ATF7IP: variants seen among roughly 807,000 people sequenced by gnomAD.
ATF7IP encodes the protein activating transcription factor 7 interacting protein, also known as activating transcription factor 7-interacting protein 1.
ATF7IP carries 23 observed loss-of-function variants against 106.4 expected under a neutral mutation model. The ratio of observed to expected loss-of-function variants is 0.22; its 90% CI spans 0.16 to 0.31. The LOEUF is 0.31. ATF7IP is among the 10% of genes least tolerant of loss of function. The pLI is 1.00. For synonymous variants in ATF7IP, 542 were observed against 539.0 expected (o/e 1.01, Z -0.08); for missense variants, 1,334 against 1,524.3 (o/e 0.88, Z 2.08).
At chr12:14,478,190 A>C (rs1944317849) in intron 11 of ATF7IP, 127 bp from the exon 12 acceptor site, 1 of 836,556 alleles carries the variant, frequency 1.2e-6, no homozygotes, top group Admixed American at 2.5e-5. Context: ...AATGGAAATA[A>C]ATTATTCTCT....
intron 1 of ATF7IP, among the ~76,000 whole-genome samples, chr12:14,401,888 A>T (rs1364808682): frequency 2.7e-5 from 4 of 149,038 alleles, no homozygotes. Context: ...TAATTTTTGT[A>T]TTTTTAGTAG....
chr12:14,424,557 G>A lies in ATF7IP; in HGVS notation c.642G>A (p.Pro214=), dbSNP rs373638599. 5 of 1,613,992 alleles carry A rather than the reference G, an allele frequency of 3.1e-6. No homozygotes were observed. Among genetic ancestry groups the A allele is most frequent in the African/African-American group, 2.7e-5 (2 of 74,896 alleles). The part of the protein sequence containing the change: ...PTSSDPIPGE[P]VPVEPISGDC... Reference sequence around the variant, plus strand: ...CTAGTGATCCCATCCCAGGTGAACCGGTCCCTGTTGAACCCATTTCTGGTG... The same window carrying A: ...CTAGTGATCCCATCCCAGGTGAACCAGTCCCTGTTGAACCCATTTCTGGTG... The change falls in exon 2 of 15, where the codon CCG becomes CCA. Residue 214 remains proline, a synonymous_variant. Coordinates refer to ENST00000261168, the MANE Select transcript of ATF7IP (RefSeq NM_018179.5).
Position 14,498,245 on chromosome 12 carries a change from G to A in ATF7IP, c.*172G>A, listed in dbSNP as rs1945070284. 1.6e-6 allele frequency: 1 copy of A among 627,014 alleles called. No individual in the cohort carries two copies. Among genetic ancestry groups the A allele is most frequent in the African/African-American group, 1.8e-5 (1 of 54,652 alleles). The allele number at this position is 627,014 out of a possible 1,614,324, so 38.8% of individuals were successfully genotyped here. ...AAGCAAAATAAACTCAGCCCACAAA[G>A]CTAGAATCTTTTCCTGGACAGTTTA... is the stretch of plus-strand genomic sequence containing the variant. On this transcript the variant is annotated 3_prime_UTR_variant, in exon 15 of 15. Coordinates refer to ENST00000261168, the MANE Select transcript of ATF7IP (RefSeq NM_018179.5).
intron 10 of ATF7IP, 142 bp downstream of exon 10, chr12:14,466,732 T>A (rs780748674): frequency 1.2e-5 from 8 of 691,120 alleles, no homozygotes; most frequent in Non-Finnish European, 1.9e-5. Flanking sequence ...AGCTTCTCTG[T>A]AATGTTTGAC....
chr12:14,407,840 T>A (rs921122489), intron 1 of ATF7IP, among the ~76,000 whole-genome samples: 1 of 152,076 alleles, frequency 6.6e-6, no homozygotes, highest in African/African-American at 2.4e-5. Context: ...TGGAAAGAAG[T>A]TTGTGTTAAA....
intron 5 of ATF7IP, among the ~76,000 whole-genome samples, chr12:14,441,492 T>TTC (rs1942696525): frequency 6.8e-6 from 1 of 146,746 alleles, no homozygotes; most frequent in East Asian, 2.2e-4. Flanking sequence ...AAAGTCTTTT[T>TTC]TTTTTTTTTT....
At chr12:14,476,056 T>G (rs1439551480) in intron 11 of ATF7IP, 88 bp downstream of exon 11, 1 of 918,490 alleles carries the variant, frequency 1.1e-6, no homozygotes, top group Non-Finnish European at 1.7e-6. Context: ...GACAGATGTT[T>G]ATGGCATTAT....
In ATF7IP at chr12:14,481,203, T is replaced by C. The variant is rs1282968359; in HGVS notation, c.3280+18T>C. On this transcript the variant is annotated intron_variant, in intron 13 of 14. Coordinates refer to ENST00000261168, the MANE Select transcript of ATF7IP (RefSeq NM_018179.5). The stretch of plus-strand genomic sequence containing the variant: ...CCAAAATAGTAAGAGATTTTTCTTG[T>C]ATATGGCCCCAAGATACATGTAGTT... 1.9e-6 allele frequency: 3 copies of C among 1,612,382 alleles called. No individual in the cohort carries two copies. Among genetic ancestry groups the C allele is most frequent in the Admixed American group, 3.3e-5 (2 of 60,004 alleles).
chr12:14,496,331 A>C lies in ATF7IP; in HGVS notation c.3381A>C (p.Pro1127=). ...AGCTCACAGTGCATCACCGACCACC[A>C]CAAGTGCATACTGTAAGTGTTGATG... is the stretch of plus-strand genomic sequence containing the variant. ...GPQLTVHHRP[P]QVHTEPPRPV... Residue 1127 remains proline (P), a synonymous_variant, in exon 14 of 15, where the codon CCA becomes CCC. Transcript: ENST00000261168. 6.2e-7 allele frequency: 1 copy of C among 1,612,044 alleles called. No individual in the cohort carries two copies. The highest frequency in any genetic ancestry group is 1.1e-5 in the South Asian group (1 of 91,016).
chr12:14,384,520 G>C (rs1029615857), intron 1 of ATF7IP, among the ~76,000 whole-genome samples: 1 of 152,042 alleles, frequency 6.6e-6, no homozygotes, highest in African/African-American at 2.4e-5. Flanking sequence ...GGAGGTCTTT[G>C]TCAGGGCATG....
intron 6 of ATF7IP, among the ~76,000 whole-genome samples, chr12:14,451,203 T>C (rs1254205099): frequency 2.0e-5 from 3 of 152,182 alleles, no homozygotes; most frequent in Admixed American, 6.5e-5. Context: ...TTGTAGTCTC[T>C]TGTAATCCTT....
intron 10 of ATF7IP, among the ~76,000 whole-genome samples, chr12:14,475,301 T>TTA (rs1473973321): frequency 2.0e-5 from 3 of 152,234 alleles, no homozygotes; most frequent in African/African-American, 7.2e-5. Context: ...TCCTGGCTCT[T>TTA]TAGGTTTATG....
At chr12:14,487,858 A>G (rs1184498660) in intron 13 of ATF7IP, among the ~76,000 whole-genome samples, 2 of 152,196 alleles carry the variant, frequency 1.3e-5, no homozygotes, top group Non-Finnish European at 2.9e-5. Context: ...GACCAGTTTC[A>G]TTATGTTCCT....
chr12:14,470,394 A>G (rs1943994466), intron 10 of ATF7IP, among the ~76,000 whole-genome samples: 1 of 152,184 alleles, frequency 6.6e-6, no homozygotes, highest in Non-Finnish European at 1.5e-5. Context: ...TAATTTTTTA[A>G]TGATTTCAAA....
In ATF7IP at chr12:14,423,954, G is replaced by A; in HGVS notation, c.39G>A (p.Lys13=). The A allele has an allele frequency of 6.2e-7, 1 of 1,611,256 alleles. No homozygotes were observed. The highest frequency in any genetic ancestry group is 8.5e-7 in the Non-Finnish European group (1 of 1,179,102). ...AAGAACCTCAGAAAAAAGTCTTTAA[G>A]GCTCGAAAAACGATGAGAGTGAGTG... ...SLEEPQKKVF[K]ARKTMRVSDR... is the part of the protein sequence containing the mutation. Residue 13 remains lysine (K), a synonymous_variant, in exon 2 of 15, where the codon AAG becomes AAA. Coordinates refer to ENST00000261168, the MANE Select transcript of ATF7IP (RefSeq NM_018179.5).
chr12:14,443,603 A>G (rs1169380663), intron 5 of ATF7IP, among the ~76,000 whole-genome samples: 1 of 152,206 alleles, frequency 6.6e-6, no homozygotes, highest in Non-Finnish European at 1.5e-5. Context: ...GTTTTCAGAA[A>G]CCTGTTGTAA....
intron 1 of ATF7IP, among the ~76,000 whole-genome samples, chr12:14,397,669 T>C (rs761067735): frequency 3.3e-5 from 5 of 152,200 alleles, no homozygotes; most frequent in Admixed American, 6.5e-5. Flanking sequence ...ATGACAAATA[T>C]GTACTATTTA....
At chr12:14,417,405 A>G (rs1941261543) in intron 1 of ATF7IP, among the ~76,000 whole-genome samples, 1 of 152,130 alleles carries the variant, frequency 6.6e-6, no homozygotes, top group East Asian at 1.9e-4. Flanking sequence ...TGGGTCCAGA[A>G]TACTATTAAT....
At chr12:14,441,006 A>C (rs1942668313) in intron 5 of ATF7IP, among the ~76,000 whole-genome samples, 1 of 152,164 alleles carries the variant, frequency 6.6e-6, no homozygotes, top group South Asian at 2.1e-4. Flanking sequence ...GGTTGTTCCT[A>C]CTTTCAGCTA....
Sources: gnomAD v4.1 joint callset for allele counts (sites outside exome capture counted in the v4.1 genomes callset) on GRCh38, gnomAD v4.1.1 for gene constraint, MANE v1.5 for transcripts, NCBI Gene and HGNC (gene_info 2026-07-23, HGNC 2026-07-21) for gene names.